Variants in PEBP4 observed in about 807,000 individuals in gnomAD.
The protein encoded by PEBP4 is phosphatidylethanolamine-binding protein 4.
A neutral mutation model predicts 23.9 loss-of-function variants in PEBP4; 22 were observed. That is an observed-to-expected ratio of 0.92 (90% CI 0.66 to 1.31). The LOEUF (loss-of-function observed/expected upper bound fraction) is 1.31, where lower values mean the gene tolerates loss of function less well. Among genes scored for constraint, PEBP4 ranks in the 40% most tolerant of loss-of-function variants. The probability of loss-of-function intolerance (pLI) is 0.00; values close to 1 mark genes in which losing one functional copy is unlikely to be tolerated. For missense variants in PEBP4, 324 were observed against 281.7 expected (o/e 1.15, Z -1.07); for synonymous variants, 112 against 99.3 (o/e 1.13, Z -0.76).
chr8:22,801,521 T>C (rs1806380055), intron 4 of PEBP4, among the ~76,000 whole-genome samples: 1 of 150,652 alleles, frequency 6.6e-6, no homozygotes, highest in African/African-American at 2.5e-5. Flanking sequence ...GGGAAAGTAG[T>C]TGGGGAAAGG....
At chr8:22,739,987 A>T (rs1296283376) in intron 4 of PEBP4, among the ~76,000 whole-genome samples, 1 of 152,128 alleles carries the variant, frequency 6.6e-6, no homozygotes, top group Non-Finnish European at 1.5e-5. Context: ...TGGGAGTCAG[A>T]TTCCTCGTTC....
chr8:22,777,582 T>A (rs1805838198), intron 4 of PEBP4, among the ~76,000 whole-genome samples: 1 of 152,166 alleles, frequency 6.6e-6, no homozygotes, highest in African/African-American at 2.4e-5. Context: ...ACCCCCTGGC[T>A]GCCAGCCTGC....
intron 3 of PEBP4, among the ~76,000 whole-genome samples, chr8:22,859,226 C>T (rs1442417305): frequency 1.3e-5 from 2 of 152,194 alleles, no homozygotes; most frequent in African/African-American, 2.4e-5. Context: ...AGACTCCCCC[C>T]GTGGAGCCTG....
chr8:22,844,474 G>T (rs778737670), intron 3 of PEBP4, among the ~76,000 whole-genome samples: 1 of 152,096 alleles, frequency 6.6e-6, no homozygotes, highest in Non-Finnish European at 1.5e-5. Context: ...CCCAACCTCA[G>T]GTGATCCACC....
intron 4 of PEBP4, among the ~76,000 whole-genome samples, 169 bp downstream of exon 4, chr8:22,817,468 T>C (rs937270000): frequency 2.0e-5 from 3 of 152,280 alleles, no homozygotes; most frequent in African/African-American, 4.8e-5. Flanking sequence ...GGGACACTTT[T>C]TGAAATTGTT....
At chr8:22,808,534 A>T (rs1238025488) in intron 4 of PEBP4, among the ~76,000 whole-genome samples, 1 of 152,346 alleles carries the variant, frequency 6.6e-6, no homozygotes, top group African/African-American at 2.4e-5. Flanking sequence ...TAATGAGGGC[A>T]CTAATTGAGG....
intron 3 of PEBP4, among the ~76,000 whole-genome samples, chr8:22,889,833 C>T (rs2128774447): frequency 6.6e-6 from 1 of 152,236 alleles, no homozygotes; most frequent in East Asian, 1.9e-4. Context: ...GCTAATGTGA[C>T]TATACATCAC....
intron 4 of PEBP4, among the ~76,000 whole-genome samples, chr8:22,811,195 T>A (rs181797421): frequency 6.6e-6 from 1 of 152,146 alleles, no homozygotes; most frequent in Admixed American, 6.5e-5. Flanking sequence ...TAATGACTCA[T>A]TGAATGAAGT....
intron 4 of PEBP4, among the ~76,000 whole-genome samples, chr8:22,738,511 G>A (rs1470831792): frequency 2.6e-5 from 4 of 152,194 alleles, no homozygotes; most frequent in South Asian, 4.1e-4. Flanking sequence ...CAGAACTGGT[G>A]GGAATGGGAG....
At chr8:22,835,549 C>T (rs1807185709) in intron 3 of PEBP4, among the ~76,000 whole-genome samples, 1 of 152,152 alleles carries the variant, frequency 6.6e-6, no homozygotes, top group African/African-American at 2.4e-5. Context: ...ATTAAGCTCA[C>T]CTGGGAATGG....
intron 3 of PEBP4, among the ~76,000 whole-genome samples, chr8:22,848,723 AG>A (rs1212360261): frequency 6.6e-6 from 1 of 152,194 alleles, no homozygotes; most frequent in African/African-American, 2.4e-5. Context: ...GCAAGGAGAA[AG>A]GAAGGAGAAA....
At chr8:22,805,663 A>ATAC (rs1806479877) in intron 4 of PEBP4, among the ~76,000 whole-genome samples, 1 of 152,224 alleles carries the variant, frequency 6.6e-6, no homozygotes, top group Non-Finnish European at 1.5e-5. Context: ...TATAACAAAC[A>ATAC]TACCACTCTG....
At chr8:22,815,089 A>G (rs1240641841) in intron 4 of PEBP4, 4 of 152,246 alleles carry the variant, frequency 2.6e-5, no homozygotes, top group Admixed American at 2.6e-4. Flanking sequence ...AGATGGCATC[A>G]TTCAACTTCT....
At position 22,877,771 on chromosome 8, in the gene PEBP4, CAT is replaced by C. The variant is rs1179209898; in HGVS notation, c.258+42411_258+42412del. Among the ~76,000 whole-genome samples the C allele has an allele frequency of 2.6e-5, 4 of 152,214 alleles. No individual in the cohort carries two copies. The East Asian group carries it at 7.7e-4, about 29-fold the overall frequency. ...AGCTTCTCGCTGTCGCTCGGCAGAA[CAT>C]GAGCTGCTTACATAAACACTGCCTC... On this transcript the variant is annotated intron_variant, in intron 3 of 6. Transcript: ENST00000256404.
chr8:22,827,724 T>A (rs1044664211), intron 3 of PEBP4, among the ~76,000 whole-genome samples: 1 of 152,258 alleles, frequency 6.6e-6, no homozygotes, highest in Non-Finnish European at 1.5e-5. Flanking sequence ...CAAACACTTG[T>A]TTTCAATTCT....
chr8:22,752,525 C>T (rs1034362102), intron 4 of PEBP4, among the ~76,000 whole-genome samples: 3 of 152,158 alleles, frequency 2.0e-5, no homozygotes, highest in Non-Finnish European at 4.4e-5. Context: ...TGCCTCTCAC[C>T]CAAAGTCATA....
At chr8:22,730,489 T>A (rs565872712) in intron 4 of PEBP4, among the ~76,000 whole-genome samples, 1 of 152,242 alleles carries the variant, frequency 6.6e-6, no homozygotes, top group Non-Finnish European at 1.5e-5. Flanking sequence ...TGAGCCATGA[T>A]GGTGCCACCG....
intron 3 of PEBP4, among the ~76,000 whole-genome samples, chr8:22,831,699 G>T (rs1807086351): frequency 6.6e-6 from 1 of 152,154 alleles, no homozygotes; most frequent in Admixed American, 6.5e-5. Flanking sequence ...GATGGACCCT[G>T]CTCAGGGTGA....
intron 1 of PEBP4, among the ~76,000 whole-genome samples, chr8:22,937,798 ATG>A (rs55794481): frequency 0.36 from 53,389 of 150,282 alleles, 10,250 homozygotes; most frequent in East Asian, 0.52. Context: ...ATGTGTATGT[ATG>A]TGTGTGTGTG....
Sources: gnomAD v4.1 joint callset for allele counts (sites outside exome capture counted in the v4.1 genomes callset) on GRCh38, gnomAD v4.1.1 for gene constraint, MANE v1.5 for transcripts, NCBI Gene and HGNC (gene_info 2026-07-23, HGNC 2026-07-21) for gene names.